The following FBLN1 variants were observed in gnomAD, a reference collection of about 807,000 sequenced individuals.
FBLN1 encodes the protein fibulin-1.
A neutral mutation model predicts 89.7 loss-of-function variants in FBLN1; 34 were observed. The ratio of observed to expected loss-of-function variants is 0.38; its 90% CI spans 0.29 to 0.50. The LOEUF (loss-of-function observed/expected upper bound fraction) is 0.50. Ranked by LOEUF, FBLN1 falls within the 20% of genes least tolerant of loss-of-function variation. The probability of loss-of-function intolerance (pLI) is 0.92; values close to 1 mark genes in which losing one functional copy is unlikely to be tolerated. For missense variants in FBLN1, 777 were observed against 988.1 expected (o/e 0.79, Z 2.86); for synonymous variants, 393 against 391.3 (o/e 1.00, Z -0.05).
rs2087969026 is a variant in FBLN1, at chr22:45,503,103, C to G, written c.79+39C>G. 8.2e-6 allele frequency: 10 copies of G among 1,220,988 alleles called. No homozygotes were observed. The South Asian group carries it at 2.3e-4, about 28-fold the overall frequency. The allele number at this position is 1,220,988 out of a possible 1,614,324, so 75.6% of individuals were successfully genotyped here. A position where few individuals can be genotyped will look rare whatever the true frequency, so the allele number is the denominator to read the frequency against. On this transcript the variant is annotated intron_variant, in intron 1 of 16. Transcript: ENST00000327858. ...GGGTCCGCCGCCCCAGCTTAGGGTC[C>G]CGACCCCCTCGGCCTCGCGCTCCCT... is the stretch of plus-strand genomic sequence containing the variant.
intron 1 of FBLN1, among the ~76,000 whole-genome samples, chr22:45,506,700 C>T (rs1046486812): frequency 2.0e-5 from 3 of 152,206 alleles, no homozygotes; most frequent in African/African-American, 7.2e-5. Flanking sequence ...GGGAAACCCC[C>T]TCCTTCTACC....
intron 16 of FBLN1, among the ~76,000 whole-genome samples, chr22:45,594,913 G>A (rs2089171864): frequency 6.6e-6 from 1 of 152,284 alleles, no homozygotes; most frequent in Middle Eastern, 3.4e-3. Flanking sequence ...TGGTTGGGTT[G>A]ATGGATGGTT....
chr22:45,548,860 A>T, intron 13 of FBLN1, 116 bp downstream of exon 13: 2 of 1,495,106 alleles, frequency 1.3e-6, no homozygotes, highest in Non-Finnish European at 1.8e-6. Context: ...CACAGCACAG[A>T]TGGAATGCAT....
chr22:45,563,361 G>A lies in FBLN1; in HGVS notation c.1698-11150G>A. On this transcript the variant is annotated intron_variant, in intron 14 of 16. Transcript: ENST00000327858. This position sits in a 1 kb window ranked among gnomAD's most constrained non-coding sequence, Gnocchi z 5.7. ...AGTCTTAGCAAGCGTCCCACACAGT[G>A]AGCCTCGCGTGCCTTGGTTTTATTT... 6.3e-7 allele frequency: 1 copy of A among 1,580,942 alleles called. No homozygotes were observed. Among genetic ancestry groups the A allele is most frequent in the Non-Finnish European group, 8.6e-7 (1 of 1,168,422 alleles).
At chr22:45,517,639 A>G (rs2088187042) in intron 1 of FBLN1, 1 of 471,168 alleles carries the variant, frequency 2.1e-6, no homozygotes, top group Non-Finnish European at 4.4e-6. Context: ...CTGCTTTGCC[A>G]GTCCTGTCCT....
intron 14 of FBLN1, among the ~76,000 whole-genome samples, chr22:45,552,556 G>A (rs1030929334): frequency 5.9e-5 from 9 of 152,186 alleles, no homozygotes; most frequent in African/African-American, 2.2e-4. Flanking sequence ...GCTTCAGAAA[G>A]CAATTTTTAA....
rs1396319693 is a variant in FBLN1 at position 45,600,452 on chromosome 22, G to A, written c.*6G>A. On this transcript the variant is annotated 3_prime_UTR_variant, in exon 17 of 17. Transcript: ENST00000327858. ...TCTCTGAGTACTGGTTCTGAGGGCTGGTCTGCCGCACAGCCGCAGGTGCAC... is the reference window on the plus strand; with the variant it reads ...TCTCTGAGTACTGGTTCTGAGGGCTAGTCTGCCGCACAGCCGCAGGTGCAC... 6.2e-7 allele frequency: 1 copy of A among 1,614,136 alleles called. No individual in the cohort carries two copies. The highest frequency in any genetic ancestry group is 8.5e-7 in the Non-Finnish European group (1 of 1,180,028).
intron 1 of FBLN1, among the ~76,000 whole-genome samples, chr22:45,516,931 T>C (rs2088177421): frequency 6.6e-6 from 1 of 152,202 alleles, no homozygotes; most frequent in Admixed American, 6.5e-5. Flanking sequence ...GAGCCCTAGC[T>C]CATTCGTGCA....
intron 1 of FBLN1, among the ~76,000 whole-genome samples, chr22:45,512,809 G>A (rs1031243856): frequency 5.3e-5 from 8 of 152,082 alleles, no homozygotes; most frequent in African/African-American, 1.2e-4. Flanking sequence ...CCAGGCTGGA[G>A]TGTAGTGGTG....
chr22:45,557,964 G>A lies in FBLN1; in HGVS notation c.1697+7349G>A, dbSNP rs2088809564. On this transcript the variant is annotated intron_variant, in intron 14 of 16. Coordinates refer to ENST00000327858, the MANE Select transcript of FBLN1 (RefSeq NM_006486.3). This position sits in a 1 kb window ranked among gnomAD's most constrained non-coding sequence, Gnocchi z 4.9. The stretch of plus-strand genomic sequence containing the variant: ...CCCTTTGCCACTGTCCTTCAGGGAT[G>A]TCCTAGAAAGGGGCAGTAGTGCTGC... 2 of 691,490 alleles carry A rather than the reference G, an allele frequency of 2.9e-6. No homozygotes were observed. The highest frequency in any genetic ancestry group is 1.8e-5 in the African/African-American group (1 of 56,522). 42.8% of individuals were successfully genotyped at this position (691,490 alleles called of 1,614,324 possible). A position where few individuals can be genotyped will look rare whatever the true frequency, so the allele number is the denominator to read the frequency against.
At chr22:45,582,725 C>T (rs1423807940) in intron 16 of FBLN1, among the ~76,000 whole-genome samples, 1 of 152,204 alleles carries the variant, frequency 6.6e-6, no homozygotes, top group Non-Finnish European at 1.5e-5. Flanking sequence ...GACATTCAGA[C>T]CCACTCCACT....
chr22:45,519,063 G>A (rs542732618), intron 2 of FBLN1, among the ~76,000 whole-genome samples: 1 of 152,162 alleles, frequency 6.6e-6, no homozygotes, highest in African/African-American at 2.4e-5. Flanking sequence ...GCTTGCAGCT[G>A]TGGGCAAGTC....
At chr22:45,566,918 CAT>C (rs1351525672) in intron 14 of FBLN1, among the ~76,000 whole-genome samples, 1 of 152,236 alleles carries the variant, frequency 6.6e-6, no homozygotes, top group Non-Finnish European at 1.5e-5. Context: ...ACAGCTAACA[CAT>C]AGAGTGCTGA....
At chr22:45,548,794 G>A in intron 13 of FBLN1, 50 bp downstream of exon 13, 1 of 1,606,788 alleles carries the variant, frequency 6.2e-7, no homozygotes, top group Non-Finnish European at 8.5e-7. Context: ...TTGGGGCCCT[G>A]CAATGTCGTG....
intron 16 of FBLN1, among the ~76,000 whole-genome samples, chr22:45,582,405 G>A (rs1399870967): frequency 6.6e-6 from 1 of 152,174 alleles, no homozygotes; most frequent in Non-Finnish European, 1.5e-5. Context: ...GCAGTCAAAA[G>A]ATGAAGTTCA....
rs964119118 is a variant in FBLN1, at chr22:45,590,652, A to G, written c.1973-9655A>G. On this transcript the variant is annotated intron_variant, in intron 16 of 16. Transcript: ENST00000327858. This position sits in a 1 kb window ranked among gnomAD's most constrained non-coding sequence, Gnocchi z 4.1. Reference sequence around the variant, plus strand: ...ATGCGACGAGGCCGGAACTGAGGCCAGGTGGGGTTGTGGGGAGAGAAGGGA... The same window carrying G: ...ATGCGACGAGGCCGGAACTGAGGCCGGGTGGGGTTGTGGGGAGAGAAGGGA... Among the ~76,000 whole-genome samples, 4 of 152,158 alleles carry G rather than the reference A, an allele frequency of 2.6e-5. No homozygotes were observed. Among genetic ancestry groups the G allele is most frequent in the Non-Finnish European group, 5.9e-5 (4 of 68,020 alleles).
At position 45,563,270 on chromosome 22, in the gene FBLN1, C is replaced by G; in HGVS notation, c.1698-11241C>G. 6.2e-7 allele frequency: 1 copy of G among 1,613,558 alleles called. No individual in the cohort carries two copies. Among genetic ancestry groups the G allele is most frequent in the South Asian group, 1.1e-5 (1 of 91,090 alleles). ...CTTTGTGTCTGCAGAGCTCTGAGCA[C>G]TCGCTTCGCGTCGCGGGGTCTCCCT... On this transcript the variant is annotated intron_variant, in intron 14 of 16. Transcript: ENST00000327858. The surrounding 1 kb of genome is among the most constrained non-coding windows in gnomAD (Gnocchi z 5.7).
rs549353457 is a variant in FBLN1 at position 45,580,905 on chromosome 22, C to T, written c.1972+3797C>T. Among the ~76,000 whole-genome samples the T allele has an allele frequency of 5.3e-5, 8 of 152,244 alleles. No individual in the cohort carries two copies. Among genetic ancestry groups the T allele is most frequent in the Non-Finnish European group, 8.8e-5 (6 of 68,044 alleles). On this transcript the variant is annotated intron_variant, in intron 16 of 16. Transcript: ENST00000327858. The surrounding 1 kb of genome is among the most constrained non-coding windows in gnomAD (Gnocchi z 8.6). ...GGATCGAGGAGCCCGCAGCAGGGCC[C>T]GCGCCGTCGTCTTTGTAAAGCCCCC...
At chr22:45,504,644 C>A (rs530712391) in intron 1 of FBLN1, among the ~76,000 whole-genome samples, 21 of 152,242 alleles carry the variant, frequency 1.4e-4, no homozygotes, top group African/African-American at 5.1e-4. Flanking sequence ...TAAAACTCTC[C>A]CTGGCCCCGG....
Sources: allele counts gnomAD v4.1 joint callset (sites outside exome capture counted in the v4.1 genomes callset), GRCh38; gene constraint gnomAD v4.1.1; non-coding constraint Gnocchi (gnomAD v3.1); transcripts MANE v1.5; gene names NCBI Gene and HGNC (gene_info 2026-07-23, HGNC 2026-07-21).